Variants in GRID2 observed in about 807,000 individuals in gnomAD.
GRID2 encodes glutamate ionotropic receptor delta type subunit 2.
A neutral mutation model predicts 114.8 loss-of-function variants in GRID2; 33 were observed. The observed-to-expected ratio is 0.29, with a 90% confidence interval of 0.22 to 0.38. The LOEUF (loss-of-function observed/expected upper bound fraction) is 0.38, where lower values mean the gene tolerates loss of function less well. Among genes scored for constraint, GRID2 ranks in the 10% least tolerant of loss-of-function variants. The pLI, the probability that GRID2 is intolerant of heterozygous loss-of-function variation, is 1.00. For missense variants in GRID2, 1,184 were observed against 1,257.7 expected (o/e 0.94, Z 0.89); for synonymous variants, 505 against 449.9 (o/e 1.12, Z -1.55).
intron 1 of GRID2, among the ~76,000 whole-genome samples, chr4:92,529,337 A>G (rs1353721080): frequency 2.0e-5 from 3 of 152,106 alleles, no homozygotes; most frequent in Non-Finnish European, 4.4e-5. Context: ...AATAGGTATT[A>G]TACAATCACA....
chr4:93,370,484 C>G (rs940805695), intron 8 of GRID2, among the ~76,000 whole-genome samples: 1 of 149,380 alleles, frequency 6.7e-6, no homozygotes, highest in African/African-American at 2.5e-5. Context: ...GAGACACACA[C>G]ACACACGCAC....
At chr4:93,007,161 G>C (rs1721622355) in intron 2 of GRID2, among the ~76,000 whole-genome samples, 1 of 151,976 alleles carries the variant, frequency 6.6e-6, no homozygotes. Flanking sequence ...TTTTATAAAT[G>C]GCATATAAGT....
chr4:93,490,598 A>G (rs760936491), intron 11 of GRID2, 41 bp from the exon 12 acceptor site: 2 of 1,528,060 alleles, frequency 1.3e-6, no homozygotes, highest in Admixed American at 1.8e-5. Context: ...CTCAATAAAT[A>G]CTAGTTGATG....
intron 2 of GRID2, among the ~76,000 whole-genome samples, chr4:92,806,945 T>C (rs1277191980): frequency 6.6e-6 from 1 of 151,902 alleles, no homozygotes; most frequent in East Asian, 1.9e-4. Flanking sequence ...CTATGACATA[T>C]GTTGTGGGAC....
At chr4:93,716,609 T>C (rs1728923726) in intron 14 of GRID2, among the ~76,000 whole-genome samples, 1 of 151,862 alleles carries the variant, frequency 6.6e-6, no homozygotes, top group Non-Finnish European at 1.5e-5. Flanking sequence ...AATATATATG[T>C]AAGTATAAAT....
chr4:93,753,396 A>C (rs2110289608), intron 14 of GRID2, among the ~76,000 whole-genome samples: 1 of 152,232 alleles, frequency 6.6e-6, no homozygotes, highest in East Asian at 1.9e-4. Flanking sequence ...CCCAACGTGC[A>C]GGTTTGTTAC....
rs368960151 is a variant in GRID2, at chr4:93,398,135, A to G, written c.1347+2427A>G. Reference sequence around the variant, plus strand: ...AATACATACATGTATGTGTGTGTGTATATATATATATATATATCTTATCAT... The same window carrying G: ...AATACATACATGTATGTGTGTGTGTGTATATATATATATATATCTTATCAT... On this transcript the variant is annotated intron_variant, in intron 9 of 15. Coordinates refer to ENST00000282020, the MANE Select transcript of GRID2 (RefSeq NM_001510.4). 7.8e-3 allele frequency among the ~76,000 whole-genome samples: 772 copies of G among 99,216 alleles called. 18 individuals carry two copies. Among genetic ancestry groups the G allele is most frequent in the African/African-American group, 0.015 (218 of 15,002 alleles). The allele number at this position is 99,216 out of a possible 152,430, so 65.1% of individuals were successfully genotyped here.
intron 1 of GRID2, among the ~76,000 whole-genome samples, chr4:92,325,382 A>G (rs1322121753): frequency 2.0e-5 from 3 of 151,894 alleles, no homozygotes; most frequent in Admixed American, 2.0e-4. Flanking sequence ...AGTCAGTATT[A>G]GCTTTCCTTC....
At chr4:93,414,677 C>A (rs1203709577) in intron 9 of GRID2, among the ~76,000 whole-genome samples, 1 of 108,412 alleles carries the variant, frequency 9.2e-6, no homozygotes, top group African/African-American at 4.3e-5. Context: ...TCATCACCAT[C>A]TGACATTTTA....
intron 1 of GRID2, among the ~76,000 whole-genome samples, chr4:92,333,284 A>G (rs1209281670): frequency 1.3e-5 from 2 of 152,192 alleles, no homozygotes. Context: ...AGTTGAGCCA[A>G]TGTTCTGGTG....
At chr4:93,503,446 G>A (rs1332684933) in intron 12 of GRID2, among the ~76,000 whole-genome samples, 3 of 151,572 alleles carry the variant, frequency 2.0e-5, no homozygotes, top group Admixed American at 2.0e-4. Context: ...TTTAGCATTA[G>A]GTATGTCACC....
chr4:92,605,511 T>A (rs181113587), intron 2 of GRID2, among the ~76,000 whole-genome samples: 2 of 152,158 alleles, frequency 1.3e-5, no homozygotes, highest in Admixed American at 1.3e-4. Flanking sequence ...ATAATGATAC[T>A]AAAATAACAG....
intron 4 of GRID2, among the ~76,000 whole-genome samples, chr4:93,125,074 G>C (rs915768339): frequency 2.0e-5 from 3 of 151,968 alleles, no homozygotes; most frequent in Non-Finnish European, 4.4e-5. Context: ...AAGAGCTAGA[G>C]TATAGCCAAG....
chr4:92,406,991 G>A (rs1731060141), intron 1 of GRID2, among the ~76,000 whole-genome samples: 1 of 152,038 alleles, frequency 6.6e-6, no homozygotes, highest in South Asian at 2.1e-4. Context: ...TTGGCTCACA[G>A]TTCTGCATGG....
chr4:93,314,491 A>G (rs951676680), intron 8 of GRID2, among the ~76,000 whole-genome samples: 2 of 152,052 alleles, frequency 1.3e-5, no homozygotes, highest in Non-Finnish European at 2.9e-5. Context: ...TCACTGGAAC[A>G]TTCTCTTTAC....
chr4:93,203,375 A>G (rs1560981061), intron 4 of GRID2, among the ~76,000 whole-genome samples: 2 of 152,292 alleles, frequency 1.3e-5, no homozygotes, highest in South Asian at 2.1e-4. Context: ...TTAGTTGTGT[A>G]TATTACATAT....
intron 2 of GRID2, among the ~76,000 whole-genome samples, chr4:92,769,364 C>T (rs560976152): frequency 2.5e-4 from 38 of 152,252 alleles, no homozygotes; most frequent in African/African-American, 8.7e-4. Context: ...CATGGGCCGG[C>T]GTTGAGTGTC....
intron 2 of GRID2, among the ~76,000 whole-genome samples, chr4:92,810,785 G>A (rs1030107926): frequency 3.3e-5 from 5 of 151,802 alleles, no homozygotes; most frequent in African/African-American, 1.2e-4. Context: ...TTTTTATTTC[G>A]TACTTATTTA....
intron 4 of GRID2, among the ~76,000 whole-genome samples, chr4:93,121,577 GT>G (rs1733785138): frequency 6.6e-6 from 1 of 152,124 alleles, no homozygotes; most frequent in African/African-American, 2.4e-5. Flanking sequence ...TTTTTTTACA[GT>G]TTTGCTCATT....
Sources: gnomAD v4.1 joint callset for allele counts (sites outside exome capture counted in the v4.1 genomes callset) on GRCh38, gnomAD v4.1.1 for gene constraint, MANE v1.5 for transcripts, NCBI Gene and HGNC (gene_info 2026-07-23, HGNC 2026-07-21) for gene names.